Variants in ATG5 observed in about 807,000 individuals in gnomAD.
ATG5 encodes the protein autophagy related 5, also known as autophagy protein 5.
Under a neutral mutation model 36.5 loss-of-function variants are expected in ATG5, and 14 were observed. The ratio of observed to expected loss-of-function variants is 0.38; its 90% confidence interval spans 0.25 to 0.60. ATG5 has a LOEUF of 0.60. Among genes scored for constraint, ATG5 ranks in the 20% least tolerant of loss-of-function variants. The probability of loss-of-function intolerance (pLI) is 0.60; values close to 1 mark genes in which losing one functional copy is unlikely to be tolerated. For missense variants in ATG5, 195 were observed against 326.7 expected (o/e 0.60, Z 3.11); for synonymous variants, 95 against 101.5 (o/e 0.94, Z 0.38).
intron 7 of ATG5, among the ~76,000 whole-genome samples, chr6:106,186,898 G>A (rs2114295749): frequency 6.6e-6 from 1 of 152,272 alleles, no homozygotes; most frequent in Admixed American, 6.5e-5. Context: ...TTCTGTTGCT[G>A]TATGTGAAAG....
chr6:106,216,283 A>G (rs989209523), intron 6 of ATG5, among the ~76,000 whole-genome samples: 1 of 152,220 alleles, frequency 6.6e-6, no homozygotes, highest in African/African-American at 2.4e-5. Context: ...TATGTTCACC[A>G]AAACATTTGT....
intron 4 of ATG5, among the ~76,000 whole-genome samples, chr6:106,281,332 C>T (rs1779869444): frequency 6.6e-6 from 1 of 152,090 alleles, no homozygotes; most frequent in Non-Finnish European, 1.5e-5. Context: ...TCCTCTGTGC[C>T]CTTTGCAGTC....
intron 6 of ATG5, among the ~76,000 whole-genome samples, chr6:106,233,463 CG>C (rs1166089996): frequency 2.6e-5 from 4 of 152,154 alleles, no homozygotes; most frequent in African/African-American, 9.7e-5. Flanking sequence ...AGCTTGCCAA[CG>C]GGGCAAGACT....
intron 7 of ATG5, among the ~76,000 whole-genome samples, chr6:106,190,386 T>C: frequency 6.6e-6 from 1 of 152,198 alleles, no homozygotes; most frequent in East Asian, 1.9e-4. Context: ...AGAGCCCTCA[T>C]GACTTAAACA....
chr6:106,219,629 C>T (rs58505675), intron 6 of ATG5, among the ~76,000 whole-genome samples: 1,526 of 152,218 alleles, frequency 0.01, 31 homozygotes, highest in African/African-American at 0.035. Context: ...GCAAATACTA[C>T]ACCATTTTAT....
intron 2 of ATG5, among the ~76,000 whole-genome samples, chr6:106,310,477 G>T (rs1770606631): frequency 6.6e-6 from 1 of 151,918 alleles, no homozygotes. Flanking sequence ...TCATCTTCTT[G>T]TCTTTTACCT....
rs568941618 is a variant in ATG5 at position 106,263,641 on chromosome 6, G to A, written c.479-15397C>T. 4.3e-4 allele frequency among the ~76,000 whole-genome samples: 66 copies of A among 152,300 alleles called. No homozygotes were observed. In the South Asian group the frequency reaches 5.8e-3, roughly 13 times the overall value. The stretch of plus-strand genomic sequence containing the variant: ...CATCAGGCCGGTGCCCCTCTGGGAC[G>A]AAGCTTCCAGAGGAAGTAGCAGGCA... On this transcript the variant is annotated intron_variant, in intron 5 of 7. Coordinates refer to ENST00000369076, the MANE Select transcript of ATG5 (RefSeq NM_004849.4).
intron 5 of ATG5, among the ~76,000 whole-genome samples, chr6:106,252,475 G>A (rs890225009): frequency 3.3e-5 from 5 of 151,612 alleles, no homozygotes; most frequent in Non-Finnish European, 5.9e-5. Flanking sequence ...TGGAAAAAAT[G>A]TTATTTTTTT....
At chr6:106,287,134 A>G (rs1780113149) in intron 4 of ATG5, among the ~76,000 whole-genome samples, 1 of 152,244 alleles carries the variant, frequency 6.6e-6, no homozygotes, top group African/African-American at 2.4e-5. Context: ...GCAGTGATAG[A>G]AGCAAAGGAG....
chr6:106,194,388 C>T (rs1053442184), intron 7 of ATG5, among the ~76,000 whole-genome samples: 6 of 152,034 alleles, frequency 3.9e-5, no homozygotes, highest in Admixed American at 1.3e-4. Flanking sequence ...CTGCTTTATA[C>T]GGTCAGCATG....
At chr6:106,239,212 C>T (rs1778014564) in intron 6 of ATG5, among the ~76,000 whole-genome samples, 1 of 151,274 alleles carries the variant, frequency 6.6e-6, no homozygotes, top group Non-Finnish European at 1.5e-5. Context: ...TTTGTTTTTC[C>T]AATGCCATAA....
At chr6:106,223,557 T>A (rs1777331871) in intron 6 of ATG5, among the ~76,000 whole-genome samples, 1 of 152,162 alleles carries the variant, frequency 6.6e-6, no homozygotes. Flanking sequence ...AAAAGGTGTG[T>A]AAGTAGGAAA....
chr6:106,313,387 G>C (rs939807906), intron 2 of ATG5, among the ~76,000 whole-genome samples: 27 of 152,166 alleles, frequency 1.8e-4, no homozygotes, highest in Non-Finnish European at 7.4e-5. Flanking sequence ...ACCTGACTAA[G>C]GATACATAAA....
At chr6:106,276,241 G>T (rs1490565717) in intron 5 of ATG5, among the ~76,000 whole-genome samples, 1 of 152,112 alleles carries the variant, frequency 6.6e-6, no homozygotes, top group Non-Finnish European at 1.5e-5. Context: ...GAGGCGGGTG[G>T]ATCACGAGGT....
At chr6:106,282,343 T>C (rs1232035327) in intron 4 of ATG5, among the ~76,000 whole-genome samples, 2 of 152,244 alleles carry the variant, frequency 1.3e-5, no homozygotes, top group Non-Finnish European at 2.9e-5. Flanking sequence ...GTAGTATTTA[T>C]GCATTTCTCA....
intron 6 of ATG5, among the ~76,000 whole-genome samples, chr6:106,207,535 T>A (rs540053422): frequency 6.9e-6 from 1 of 145,704 alleles, no homozygotes; most frequent in Non-Finnish European, 1.5e-5. Flanking sequence ...ACCTCATCTC[T>A]TAAAAAAAAA....
intron 5 of ATG5, among the ~76,000 whole-genome samples, chr6:106,249,493 G>A (rs1778479832): frequency 6.6e-6 from 1 of 152,142 alleles, no homozygotes; most frequent in South Asian, 2.1e-4. Context: ...TGTTCTCTCA[G>A]TTGACTGACA....
At chr6:106,321,788 T>C (rs1188870270) in intron 1 of ATG5, among the ~76,000 whole-genome samples, 1 of 152,226 alleles carries the variant, frequency 6.6e-6, no homozygotes, top group African/African-American at 2.4e-5. Flanking sequence ...TTATCTTATC[T>C]GTCTCCTGCC....
chr6:106,188,940 A>T (rs552963580), intron 7 of ATG5, among the ~76,000 whole-genome samples: 8 of 152,310 alleles, frequency 5.3e-5, no homozygotes, highest in African/African-American at 1.9e-4. Context: ...TCAATAACAC[A>T]ATTTTAAACA....
Sources: gnomAD v4.1 joint callset for allele counts (sites outside exome capture counted in the v4.1 genomes callset) on GRCh38, gnomAD v4.1.1 for gene constraint, MANE v1.5 for transcripts, NCBI Gene and HGNC (gene_info 2026-07-23, HGNC 2026-07-21) for gene names.